The following PCED1B variants were observed in gnomAD, a reference collection of about 807,000 sequenced individuals.
PCED1B encodes the protein PC-esterase domain containing 1B.
For synonymous variants in PCED1B, 251 were observed against 246.1 expected (o/e 1.02, Z -0.19); for missense variants, 573 against 573.9 (o/e 1.00, Z 0.02).
In PCED1B at chr12:47,236,376, T is replaced by G. The variant is rs1362268173; in HGVS notation, c.*14T>G. ...AGGCCTCAATAGACGGACCTAGGCC[T>G]TATTTCCTCTTTATGAACATGGATT... On this transcript the variant is annotated 3_prime_UTR_variant, in exon 4 of 4. Coordinates refer to ENST00000546455, the MANE Select transcript of PCED1B (RefSeq NM_138371.3). The G allele has an allele frequency of 6.5e-7, 1 of 1,531,864 alleles. No homozygotes were observed. Among genetic ancestry groups the G allele is most frequent in the Admixed American group, 2.2e-5 (1 of 45,616 alleles). 94.9% of individuals were successfully genotyped at this position (1,531,864 alleles called of 1,614,324 possible). A position where few individuals can be genotyped will look rare whatever the true frequency, so the allele number is the denominator to read the frequency against.
intron 2 of PCED1B, among the ~76,000 whole-genome samples, chr12:47,122,706 A>G (rs1285811115): frequency 6.6e-6 from 1 of 152,252 alleles, no homozygotes; most frequent in Non-Finnish European, 1.5e-5. Context: ...CTGGAAAATA[A>G]GAATTTGAAG....
intron 2 of PCED1B, among the ~76,000 whole-genome samples, chr12:47,166,867 A>G (rs1941561028): frequency 6.6e-6 from 1 of 152,230 alleles, no homozygotes; most frequent in East Asian, 1.9e-4. Context: ...GATTAACAAG[A>G]GAAAAAAACA....
intron 2 of PCED1B, among the ~76,000 whole-genome samples, chr12:47,108,268 G>A (rs1333705565): frequency 6.6e-6 from 1 of 152,164 alleles, no homozygotes; most frequent in African/African-American, 2.4e-5. Flanking sequence ...TAGCCTGAGT[G>A]CTGATGAGCT....
chr12:47,179,631 ACGATGCCTCTG>A (rs1390246071), intron 2 of PCED1B, among the ~76,000 whole-genome samples: 1 of 152,232 alleles, frequency 6.6e-6, no homozygotes, highest in Non-Finnish European at 1.5e-5. Context: ...TACAGACCTC[ACGATGCCTCTG>A]CTTCATAATT....
chr12:47,117,342 C>A (rs1939468429), intron 2 of PCED1B, among the ~76,000 whole-genome samples: 1 of 152,110 alleles, frequency 6.6e-6, no homozygotes, highest in South Asian at 2.1e-4. Flanking sequence ...TGCTATCCCT[C>A]CCCCCTACCT....
chr12:47,172,155 A>G (rs1296945714), intron 2 of PCED1B, among the ~76,000 whole-genome samples: 1 of 152,084 alleles, frequency 6.6e-6, no homozygotes, highest in Non-Finnish European at 1.5e-5. Flanking sequence ...ATTTGCATGT[A>G]GGTCTCCTGG....
In PCED1B at chr12:47,236,016, C is replaced by T. The variant is rs767893194; in HGVS notation, c.953C>T (p.Pro318Leu). Reference protein sequence around the residue: ...QRLPLLPLLSPQPPPPILHHQ... With the variant: ...QRLPLLPLLSLQPPPPILHHQ... Reference sequence around the variant, plus strand: ...TTGCCGCTGCTCCCGCTCCTGTCCCCACAGCCTCCTCCTCCCATTCTCCAT... The same window carrying T: ...TTGCCGCTGCTCCCGCTCCTGTCCCTACAGCCTCCTCCTCCCATTCTCCAT... Residue 318 changes from proline (P) to leucine (L), a missense_variant, in exon 4 of 4, where the codon CCA becomes CTA. By Grantham distance (98) the Pro-to-Leu change is moderately conservative. Coordinates refer to ENST00000546455, the MANE Select transcript of PCED1B (RefSeq NM_138371.3). The T allele has an allele frequency of 1.2e-6, 2 of 1,613,612 alleles. No individual in the cohort carries two copies. Among genetic ancestry groups the T allele is most frequent in the African/African-American group, 1.3e-5 (1 of 74,814 alleles).
chr12:47,101,946 C>CA (rs373916277), intron 1 of PCED1B, among the ~76,000 whole-genome samples: 2,740 of 137,480 alleles, frequency 0.02, 83 homozygotes, highest in African/African-American at 0.067. Context: ...AACTCCATCT[C>CA]AAAAAAAAAA....
At chr12:47,226,833 G>A (rs961282473) in intron 3 of PCED1B, among the ~76,000 whole-genome samples, 4 of 152,056 alleles carry the variant, frequency 2.6e-5, no homozygotes, top group Non-Finnish European at 5.9e-5. Context: ...TAAAATGATC[G>A]CTGATCTGGC....
rs1451165859 is a variant in PCED1B at position 47,090,628 on chromosome 12, G to A, written c.-609+10903G>A. On this transcript the variant is annotated intron_variant, in intron 1 of 3. Transcript: ENST00000546455. ...CCTTCTAGTCACTAATTTCCCAGTG[G>A]TAACCACTCTGCTGACATCTAACAA... Among the ~76,000 whole-genome samples, 6 of 152,082 alleles carry A rather than the reference G, an allele frequency of 3.9e-5. No individual in the cohort carries two copies. In the East Asian group the frequency reaches 1.2e-3, roughly 29 times the overall value.
chr12:47,229,754 C>T (rs1259941567), intron 3 of PCED1B, among the ~76,000 whole-genome samples: 1 of 152,064 alleles, frequency 6.6e-6, no homozygotes, highest in Non-Finnish European at 1.5e-5. Context: ...TTAGAGGCAA[C>T]CAACAAGTAA....
chr12:47,158,978 G>A (rs187492276), intron 2 of PCED1B, among the ~76,000 whole-genome samples: 98 of 151,996 alleles, frequency 6.4e-4, no homozygotes, highest in Middle Eastern at 6.8e-3. Context: ...TAGCTCTCCC[G>A]TATGAGTAAG....
intron 3 of PCED1B, among the ~76,000 whole-genome samples, chr12:47,219,022 TC>T: frequency 6.6e-6 from 1 of 152,166 alleles, no homozygotes; most frequent in African/African-American, 2.4e-5. Context: ...ATGCCTGTGA[TC>T]CCAGCTATTC....
At chr12:47,084,328 G>T (rs1362545883) in intron 1 of PCED1B, among the ~76,000 whole-genome samples, 1 of 152,204 alleles carries the variant, frequency 6.6e-6, no homozygotes, top group Non-Finnish European at 1.5e-5. Flanking sequence ...TTGAAGTATG[G>T]TTTCTACTGA....
At chr12:47,089,213 C>T (rs1319313757) in intron 1 of PCED1B, among the ~76,000 whole-genome samples, 4 of 151,842 alleles carry the variant, frequency 2.6e-5, no homozygotes, top group African/African-American at 9.7e-5. Flanking sequence ...GAGGCCAAGG[C>T]AGGCGGATCA....
intron 2 of PCED1B, among the ~76,000 whole-genome samples, chr12:47,122,099 C>G (rs1303869773): frequency 6.6e-6 from 1 of 150,620 alleles, no homozygotes; most frequent in Non-Finnish European, 1.5e-5. Flanking sequence ...ATAGTTTGGT[C>G]CTCATGAAGT....
intron 2 of PCED1B, among the ~76,000 whole-genome samples, chr12:47,123,416 G>T (rs1382560278): frequency 6.6e-6 from 1 of 151,980 alleles, no homozygotes; most frequent in Non-Finnish European, 1.5e-5. Flanking sequence ...TCAAACAAAG[G>T]TGCTTAATTT....
At chr12:47,135,918 C>A in intron 2 of PCED1B, 3 of 204,918 alleles carry the variant, frequency 1.5e-5, no homozygotes, top group Non-Finnish European at 2.0e-5. Flanking sequence ...CAGGGAGAAC[C>A]AGCTGTGGTT....
At chr12:47,225,179 G>A (rs1592317115) in intron 3 of PCED1B, among the ~76,000 whole-genome samples, 3 of 152,138 alleles carry the variant, frequency 2.0e-5, no homozygotes, top group Non-Finnish European at 4.4e-5. Context: ...TGATCCACCC[G>A]TCTCGGCCTC....
Sources: gnomAD v4.1 joint callset for allele counts (sites outside exome capture counted in the v4.1 genomes callset) on GRCh38, gnomAD v4.1.1 for gene constraint, MANE v1.5 for transcripts, NCBI Gene and HGNC (gene_info 2026-07-23, HGNC 2026-07-21) for gene names.